CDH23: variants seen among roughly 807,000 people sequenced by gnomAD.
CDH23 encodes the protein cadherin-23.
A neutral mutation model predicts 317.1 loss-of-function variants in CDH23; 189 were observed. The ratio of observed to expected loss-of-function variants is 0.60; its 90% confidence interval spans 0.53 to 0.67. The LOEUF (loss-of-function observed/expected upper bound fraction) is 0.67. Among genes scored for constraint, CDH23 ranks in the 30% least tolerant of loss-of-function variants. The probability of loss-of-function intolerance (pLI) is 0.00; values close to 1 mark genes in which losing one functional copy is unlikely to be tolerated. For synonymous variants in CDH23, 1,839 were observed against 1,876.8 expected (o/e 0.98, Z 0.52); for missense variants, 4,401 against 4,592.4 (o/e 0.96, Z 1.20).
intron 26 of CDH23, 111 bp from the exon 27 acceptor site, chr10:71,708,987 C>T (rs1487143166): frequency 4.2e-6 from 4 of 953,498 alleles, no homozygotes; most frequent in Non-Finnish European, 6.6e-6. Flanking sequence ...GCAGCACAGC[C>T]TCCCACTCCT....
At chr10:71,799,988 G>A (rs983180909) in intron 52 of CDH23, among the ~76,000 whole-genome samples, 1 of 152,220 alleles carries the variant, frequency 6.6e-6, no homozygotes, top group Non-Finnish European at 1.5e-5. Context: ...CAGAAAGTGG[G>A]CACAGTGTCT....
At chr10:71,641,958 T>C (rs146527874) in intron 11 of CDH23, among the ~76,000 whole-genome samples, 3,341 of 152,198 alleles carry the variant, frequency 0.022, 133 homozygotes, top group African/African-American at 0.077. Context: ...TAGCCGGGCA[T>C]GGTGGTGTGC....
At chr10:71,803,941 C>T (rs1195728382) in intron 55 of CDH23, among the ~76,000 whole-genome samples, 3 of 146,942 alleles carry the variant, frequency 2.0e-5, no homozygotes, top group African/African-American at 7.6e-5. Flanking sequence ...GCCAAGATCA[C>T]ACCACTACAC....
At chr10:71,801,206 A>G (rs1218473869) in intron 53 of CDH23, among the ~76,000 whole-genome samples, 1 of 118,142 alleles carries the variant, frequency 8.5e-6, no homozygotes, top group Non-Finnish European at 1.6e-5. Context: ...CCCAGGCTGG[A>G]GTGCAATGGC....
intron 15 of CDH23, among the ~76,000 whole-genome samples, chr10:71,676,304 C>T (rs190443808): frequency 4.6e-5 from 7 of 152,026 alleles, no homozygotes; most frequent in African/African-American, 1.7e-4. Context: ...AATGACTGGC[C>T]CCAGCTATCC....
At chr10:71,562,099 C>G (rs540223655) in intron 6 of CDH23, among the ~76,000 whole-genome samples, 1 of 152,250 alleles carries the variant, frequency 6.6e-6, no homozygotes, top group Non-Finnish European at 1.5e-5. Context: ...AACTCCAACC[C>G]GTGCAGCCCC....
At chr10:71,618,858 C>G (rs372965536) in intron 11 of CDH23, among the ~76,000 whole-genome samples, 5 of 151,298 alleles carry the variant, frequency 3.3e-5, no homozygotes, top group African/African-American at 7.3e-5. Flanking sequence ...TGTGTGTGTA[C>G]ATGTGTGTCT....
intron 1 of CDH23, among the ~76,000 whole-genome samples, chr10:71,415,054 C>A (rs1848481009): frequency 6.6e-6 from 1 of 152,134 alleles, no homozygotes; most frequent in South Asian, 2.1e-4. Flanking sequence ...ACAGTGATAT[C>A]TTTTCATGGA....
chr10:71,525,689 A>G (rs1017718493), intron 6 of CDH23, among the ~76,000 whole-genome samples: 4 of 152,272 alleles, frequency 2.6e-5, no homozygotes, highest in Admixed American at 6.5e-5. Flanking sequence ...GTGGTGCTAC[A>G]TCCAACAAGT....
intron 28 of CDH23, chr10:71,716,081 TG>T: frequency 6.6e-7 from 1 of 1,526,016 alleles, no homozygotes; most frequent in South Asian, 1.2e-5. Flanking sequence ...GAGCCGGAGC[TG>T]GGGCTCACTG....
chr10:71,629,414 C>T (rs1007336351), intron 11 of CDH23, among the ~76,000 whole-genome samples: 25 of 152,134 alleles, frequency 1.6e-4, no homozygotes, highest in African/African-American at 4.6e-4. Flanking sequence ...GAGGGAAGGG[C>T]AGGTGCAGTG....
chr10:71,672,496 C>G (rs1864190624), intron 14 of CDH23, among the ~76,000 whole-genome samples: 1 of 152,176 alleles, frequency 6.6e-6, no homozygotes, highest in Non-Finnish European at 1.5e-5. Context: ...AGCTCTCCCT[C>G]TCCTCCTCAC....
chr10:71,611,594 T>C (rs547579899), intron 9 of CDH23, among the ~76,000 whole-genome samples: 175 of 152,308 alleles, frequency 1.1e-3, no homozygotes, highest in African/African-American at 3.9e-3. Flanking sequence ...GGGTGGGTTC[T>C]ATTATTGCCC....
intron 18 of CDH23, 25 bp downstream of exon 18, chr10:71,682,597 T>G (rs1162397179): frequency 1.9e-6 from 3 of 1,610,386 alleles, no homozygotes; most frequent in South Asian, 1.1e-5. Context: ...CCACTGGCCT[T>G]GCCCTGCTAG....
intron 11 of CDH23, among the ~76,000 whole-genome samples, chr10:71,623,322 A>G (rs762642886): frequency 4.6e-5 from 7 of 152,262 alleles, no homozygotes; most frequent in Non-Finnish European, 7.3e-5. Flanking sequence ...ACGCTCCCCT[A>G]CAAGGGCAGA....
chr10:71,678,350 G>C (rs925570448), intron 16 of CDH23, among the ~76,000 whole-genome samples: 1 of 152,158 alleles, frequency 6.6e-6, no homozygotes, highest in Non-Finnish European at 1.5e-5. Context: ...CGAAGACATA[G>C]TCGGGTAGCA....
chr10:71,789,775 A>C (rs1014316158), intron 45 of CDH23, among the ~76,000 whole-genome samples: 1 of 152,240 alleles, frequency 6.6e-6, no homozygotes. Flanking sequence ...GCCCACCTGC[A>C]GAGGCACACG....
rs772135580 is a variant in CDH23, at chr10:71,570,780, G to T, written c.625-10G>T. Reference sequence around the variant, plus strand: ...CAACCTAAGGCTGTGTGTTCTCTCCGCTCTCTAAGGATCAAGACAAGACCA... The same window carrying T: ...CAACCTAAGGCTGTGTGTTCTCTCCTCTCTCTAAGGATCAAGACAAGACCA... On this transcript the variant is annotated splice_polypyrimidine_tract_variant and intron_variant, in intron 7 of 69. Transcript: ENST00000224721. The T allele has an allele frequency of 3.1e-6, 5 of 1,602,544 alleles. No homozygotes were observed. The South Asian group carries it at 5.6e-5, about 18-fold the overall frequency.
chr10:71,743,947 C>A (rs1040852399), intron 38 of CDH23, among the ~76,000 whole-genome samples: 3 of 152,142 alleles, frequency 2.0e-5, no homozygotes, highest in African/African-American at 7.2e-5. Context: ...GCATCCAAGG[C>A]AGGAAGATGA....
Sources: gnomAD v4.1 joint callset for allele counts (sites outside exome capture counted in the v4.1 genomes callset) on GRCh38, gnomAD v4.1.1 for gene constraint, MANE v1.5 for transcripts, NCBI Gene and HGNC (gene_info 2026-07-23, HGNC 2026-07-21) for gene names.